Variants in SPSB1 observed in about 807,000 individuals in gnomAD.
SPSB1 encodes splA/ryanodine receptor domain and SOCS box containing 1.
A neutral mutation model predicts 21.2 loss-of-function variants in SPSB1; 8 were observed. That is an observed-to-expected ratio of 0.38 (90% CI 0.22 to 0.68). The LOEUF is 0.68. SPSB1 is among the 30% of genes least tolerant of loss of function. The probability of loss-of-function intolerance (pLI) is 0.53; values close to 1 mark genes in which losing one functional copy is unlikely to be tolerated. For missense variants in SPSB1, 242 were observed against 377.8 expected (o/e 0.64, Z 2.98); for synonymous variants, 169 against 161.7 (o/e 1.05, Z -0.34).
In SPSB1 at chr1:9,292,990, C is replaced by T. The variant is rs1639144531; in HGVS notation, c.-231C>T. The T allele has an allele frequency of 1.0e-6, 1 of 983,318 alleles. No homozygotes were observed. The highest frequency in any genetic ancestry group is 1.2e-6 in the Non-Finnish European group (1 of 828,854). The allele number at this position is 983,318 out of a possible 1,614,324, so 60.9% of individuals were successfully genotyped here. A position where few individuals can be genotyped will look rare whatever the true frequency, so the allele number is the denominator to read the frequency against. On this transcript the variant is annotated 5_prime_UTR_variant, in exon 1 of 3. Transcript: ENST00000328089. ...CGGGGCCGCGGGGAGGAGGCGACTTCGCTCCCTGCGGCGGGCGCGGCCCGG... is the reference window on the plus strand; with the variant it reads ...CGGGGCCGCGGGGAGGAGGCGACTTTGCTCCCTGCGGCGGGCGCGGCCCGG...
rs1012093155 is a variant in SPSB1 at position 9,369,308 on chromosome 1, G to T, written c.*1733G>T. On this transcript the variant is annotated 3_prime_UTR_variant, in exon 3 of 3. Coordinates refer to ENST00000328089, the MANE Select transcript of SPSB1 (RefSeq NM_025106.4). ...TTCTGATGAATGTTTCCCTTGTACA[G>T]ATCCCAGCTTATGGCCTTGACCCAG... The T allele has an allele frequency of 2.0e-5, 3 of 151,748 alleles. No individual in the cohort carries two copies. The highest frequency in any genetic ancestry group is 4.4e-5 in the Non-Finnish European group (3 of 67,976). The allele number at this position is 151,748 out of a possible 1,614,324, so 9.4% of individuals were successfully genotyped here. A position where few individuals can be genotyped will look rare whatever the true frequency, so the allele number is the denominator to read the frequency against.
At chr1:9,298,438 ATAAG>A (rs1297955351) in intron 1 of SPSB1, among the ~76,000 whole-genome samples, 1 of 84,394 alleles carries the variant, frequency 1.2e-5, no homozygotes, top group Non-Finnish European at 3.2e-5. Flanking sequence ...GAATGAATGA[ATAAG>A]TGAATGAATA....
chr1:9,349,048 C>T (rs894887459), intron 1 of SPSB1, among the ~76,000 whole-genome samples: 8 of 152,162 alleles, frequency 5.3e-5, no homozygotes, highest in Admixed American at 2.0e-4. Context: ...TGAAGCCAAA[C>T]CCCAGGGCTT....
intron 1 of SPSB1, chr1:9,294,654 G>A (rs1557441821): frequency 6.6e-6 from 1 of 152,218 alleles, no homozygotes; most frequent in Non-Finnish European, 1.5e-5. Context: ...CATGAGTTGA[G>A]TTTTAACAGG....
intron 1 of SPSB1, among the ~76,000 whole-genome samples, chr1:9,322,166 T>C (rs1365020995): frequency 6.6e-6 from 1 of 152,174 alleles, no homozygotes; most frequent in Non-Finnish European, 1.5e-5. Flanking sequence ...CGTCTTTGCC[T>C]TGGACTCACC....
rs1014616878 is a variant in SPSB1 at position 9,348,669 on chromosome 1, G to T, written c.-149-7074G>T. Among the ~76,000 whole-genome samples the T allele has an allele frequency of 2.6e-5, 4 of 152,016 alleles. No homozygotes were observed. Among genetic ancestry groups the T allele is most frequent in the Non-Finnish European group, 5.9e-5 (4 of 67,982 alleles). ...CTTTTCTTCCTTCCTACTAAGATCT[G>T]GGGCCCCCAGCAAATCCAAAGATGG... On this transcript the variant is annotated intron_variant, in intron 1 of 2. Transcript: ENST00000328089. This position sits in a 1 kb window ranked among gnomAD's most constrained non-coding sequence, Gnocchi z 4.8.
chr1:9,307,071 GCA>G (rs1639426994), intron 1 of SPSB1, among the ~76,000 whole-genome samples: 1 of 151,894 alleles, frequency 6.6e-6, no homozygotes, highest in African/African-American at 2.4e-5. Flanking sequence ...GGGATTACAG[GCA>G]CGTGCCACCA....
chr1:9,312,936 C>T (rs997361877), intron 1 of SPSB1, among the ~76,000 whole-genome samples: 1 of 152,190 alleles, frequency 6.6e-6, no homozygotes, highest in African/African-American at 2.4e-5. Context: ...GCAGACACAC[C>T]TTTTCCTTCT....
chr1:9,358,445 G>C (rs1557466180), intron 2 of SPSB1, among the ~76,000 whole-genome samples: 1 of 152,324 alleles, frequency 6.6e-6, no homozygotes, highest in African/African-American at 2.4e-5. Flanking sequence ...GGAACCAGCA[G>C]AGTGAGTTCT....
chr1:9,326,426 A>C (rs1323374261), intron 1 of SPSB1, among the ~76,000 whole-genome samples: 1 of 152,202 alleles, frequency 6.6e-6, no homozygotes, highest in Non-Finnish European at 1.5e-5. Flanking sequence ...GAGTCACCTC[A>C]CACTGCCTGG....
chr1:9,296,789 C>T (rs914755641), intron 1 of SPSB1, among the ~76,000 whole-genome samples: 5 of 152,228 alleles, frequency 3.3e-5, no homozygotes, highest in Non-Finnish European at 5.9e-5. Flanking sequence ...CTGACTTGGG[C>T]TTGAGGCTCC....
intron 1 of SPSB1, among the ~76,000 whole-genome samples, chr1:9,301,724 G>A (rs672453): frequency 0.48 from 73,284 of 151,986 alleles, 19,244 homozygotes; most frequent in African/African-American, 0.7. Context: ...GGGCTCAGCA[G>A]CATGGACTGC....
intron 1 of SPSB1, among the ~76,000 whole-genome samples, chr1:9,298,663 CA>C (rs1570166722): frequency 6.6e-6 from 1 of 152,094 alleles, no homozygotes; most frequent in Non-Finnish European, 1.5e-5. Context: ...TCCAGGAAAC[CA>C]AAAATATCAC....
rs72858167 is a variant in SPSB1, at chr1:9,316,156, G to A, written c.-150+23085G>A. ...CCTGACTCAGCCTTGCCCTGGGCTG[G>A]CAGGGGGTGGGGACCTGGGTGAAGA... On this transcript the variant is annotated intron_variant, in intron 1 of 2. Transcript: ENST00000328089. 8.9e-3 allele frequency among the ~76,000 whole-genome samples: 1,354 copies of A among 152,306 alleles called. 15 individuals carry two copies. The highest frequency in any genetic ancestry group is 0.03 in the African/African-American group (1,229 of 41,562).
chr1:9,298,985 A>T (rs1570166963), intron 1 of SPSB1, among the ~76,000 whole-genome samples: 1 of 152,182 alleles, frequency 6.6e-6, no homozygotes, highest in Non-Finnish European at 1.5e-5. Flanking sequence ...GATTAGCACC[A>T]CCATCAAGGA....
intron 1 of SPSB1, among the ~76,000 whole-genome samples, chr1:9,307,919 C>T (rs1639448828): frequency 6.6e-6 from 1 of 152,172 alleles, no homozygotes; most frequent in South Asian, 2.1e-4. Flanking sequence ...TCGCCATGGT[C>T]CCCCTCAACT....
intron 1 of SPSB1, among the ~76,000 whole-genome samples, chr1:9,332,303 G>A (rs1333811060): frequency 2.6e-5 from 4 of 152,168 alleles, no homozygotes; most frequent in Non-Finnish European, 5.9e-5. Context: ...CTTAAACAGT[G>A]AGAGTGAAGG....
rs1639773001 is a variant in SPSB1 at position 9,324,111 on chromosome 1, TTTCAG to T, written c.-150+31042_-150+31046del. 6.6e-6 allele frequency among the ~76,000 whole-genome samples: 1 copy of T among 152,200 alleles called. No homozygotes were observed. Among genetic ancestry groups the T allele is most frequent in the African/African-American group, 2.4e-5 (1 of 41,450 alleles). Reference sequence around the variant, plus strand: ...ATGGCCCCACCTTTTTTCCTAGGTTTTTCAGTCCATATCTTTTTTTGTGTGCCAAA... The same window carrying T: ...ATGGCCCCACCTTTTTTCCTAGGTTTTCCATATCTTTTTTTGTGTGCCAAA... On this transcript the variant is annotated intron_variant, in intron 1 of 2. Transcript: ENST00000328089. The surrounding 1 kb of genome is among the most constrained non-coding windows in gnomAD (Gnocchi z 4.3).
chr1:9,360,215 G>A (rs567647679), intron 2 of SPSB1, among the ~76,000 whole-genome samples: 105 of 148,936 alleles, frequency 7.1e-4, no homozygotes, highest in African/African-American at 2.3e-3. Flanking sequence ...GGAGGGTGGG[G>A]GCTGAAGGGA....
Sources: allele counts gnomAD v4.1 joint callset (sites outside exome capture counted in the v4.1 genomes callset), GRCh38; gene constraint gnomAD v4.1.1; non-coding constraint Gnocchi (gnomAD v3.1); transcripts MANE v1.5; gene names NCBI Gene and HGNC (gene_info 2026-07-23, HGNC 2026-07-21).